ARHGEF25: variants seen among roughly 807,000 people sequenced by gnomAD.
The protein encoded by ARHGEF25 is Rho guanine nucleotide exchange factor 25, also known as RAC/CDC42 exchange factor.
In ARHGEF25, 42 loss-of-function variants were observed where a neutral mutation model predicts 74.0. That is an observed-to-expected ratio of 0.57 (90% CI 0.44 to 0.73). The LOEUF is 0.73. Among genes scored for constraint, ARHGEF25 ranks in the 30% least tolerant of loss-of-function variants. The probability of loss-of-function intolerance (pLI) is 0.00; values close to 1 mark genes in which losing one functional copy is unlikely to be tolerated. For synonymous variants in ARHGEF25, 293 were observed against 278.6 expected (o/e 1.05, Z -0.51); for missense variants, 645 against 725.5 (o/e 0.89, Z 1.27).
chr12:57,613,674 T>G lies in ARHGEF25; in HGVS notation c.486-20T>G, dbSNP rs1299253490. ...GAGCTCCGACGCTGAAGTGGGGGCC[T>G]CCTCCTGCTTTCATCCTAGGTATGT... On this transcript the variant is annotated intron_variant, in intron 4 of 14. Transcript: ENST00000286494. The G allele has an allele frequency of 1.9e-6, 3 of 1,613,626 alleles. No homozygotes were observed. The highest frequency in any genetic ancestry group is 1.7e-5 in the Admixed American group (1 of 59,966).
upstream of ARHGEF25, chr12:57,610,225 C>G (rs746573049): frequency 6.3e-7 from 1 of 1,596,494 alleles, no homozygotes; most frequent in South Asian, 1.1e-5. Context: ...GTATGAAGCC[C>G]CCGGACCGCC....
At chr12:57,615,785 A>T in intron 12 of ARHGEF25, 52 bp from the exon 13 acceptor site, 1 of 1,612,066 alleles carries the variant, frequency 6.2e-7, no homozygotes, top group Non-Finnish European at 8.5e-7. Context: ...GTCTCAGAGG[A>T]GCCAGGGAGG....
At chr12:57,610,502 A>AGAAGGG, upstream of ARHGEF25, 1 of 1,353,066 alleles carries the variant, frequency 7.4e-7, no homozygotes, top group Non-Finnish European at 1.0e-6. Context: ...GACAGGTAGG[A>AGAAGGG]GAAGGGGAAG....
Position 57,615,026 on chromosome 12 carries a change from C to T in ARHGEF25, c.960+9C>T. ...ATACTGCAGACCTAGAGGTGAGGAC[C>T]CCAGATCTTCCAGGACACACCATGT... On this transcript the variant is annotated intron_variant, in intron 10 of 14. Coordinates refer to ENST00000286494, the MANE Select transcript of ARHGEF25 (RefSeq NM_182947.4). The T allele has an allele frequency of 1.2e-6, 2 of 1,613,776 alleles. No individual in the cohort carries two copies. The highest frequency in any genetic ancestry group is 1.7e-6 in the Non-Finnish European group (2 of 1,179,710).
chr12:57,615,440 C>G (rs541242641), intron 11 of ARHGEF25, 72 bp from the exon 12 acceptor site: 1 of 1,599,946 alleles, frequency 6.3e-7, no homozygotes, highest in African/African-American at 1.3e-5. Context: ...GCATGTCAGG[C>G]GAGGAAGGGA....
Position 57,615,508 on chromosome 12 carries a change from T to C in ARHGEF25, c.1039-4T>C. The C allele has an allele frequency of 1.2e-6, 2 of 1,614,184 alleles. No individual in the cohort carries two copies. Among genetic ancestry groups the C allele is most frequent in the Non-Finnish European group, 1.7e-6 (2 of 1,180,026 alleles). On this transcript the variant is annotated splice_region_variant and splice_polypyrimidine_tract_variant and intron_variant, in intron 11 of 14. Transcript: ENST00000286494. ...TTCCAAGGCCACTATCCTTTTGGTT[T>C]CAGGGCAAACTGACTGCTCAGGGGA...
chr12:57,610,633 G>T (rs1884001157), upstream of ARHGEF25: 3 of 1,611,922 alleles, frequency 1.9e-6, no homozygotes, highest in Non-Finnish European at 1.7e-6. Flanking sequence ...TACGGAGGGA[G>T]ATCACAGAAG....
chr12:57,611,974 T>C lies in ARHGEF25; in HGVS notation c.80T>C (p.Phe27Ser). Residue 27 changes from phenylalanine (F) to serine (S), a missense_variant, in exon 1 of 15, where the codon TTC becomes TCC. By Grantham distance (155) the Phe-to-Ser change is radical. Around this residue, in one of 3 missense-constraint regions of ARHGEF25, gnomAD observed 189 missense variants for 199.1 expected, o/e 0.95. Coordinates refer to ENST00000286494, the MANE Select transcript of ARHGEF25 (RefSeq NM_182947.4). This position sits in a 1 kb window ranked among gnomAD's most constrained non-coding sequence, Gnocchi z 4.5. ...RKVLAKCGCC[F>S]ARGGRESYSI... is the part of the protein sequence containing the mutation. ...GTGCTGGCAAAATGCGGCTGCTGCT[T>C]CGCCCGGGGGGGACGTGGTGAGTGC... The C allele has an allele frequency of 7.7e-7, 1 of 1,291,196 alleles. No individual in the cohort carries two copies. The highest frequency in any genetic ancestry group is 9.9e-7 in the Non-Finnish European group (1 of 1,009,870). The allele number at this position is 1,291,196 out of a possible 1,614,324, so 80.0% of individuals were successfully genotyped here.
chr12:57,616,585 C>T (rs1388144792), intron 14 of ARHGEF25, 90 bp downstream of exon 14: 1 of 1,264,654 alleles, frequency 7.9e-7, no homozygotes, highest in South Asian at 1.4e-5. Flanking sequence ...CATATCATTC[C>T]TTCCTTTTAT....
chr12:57,610,729 C>T, upstream of ARHGEF25: 2 of 1,510,762 alleles, frequency 1.3e-6, no homozygotes, highest in Non-Finnish European at 1.8e-6. Context: ...CTATCCTGCG[C>T]CAAGTGGCGA....
intron 2 of ARHGEF25, 21 bp from the exon 3 acceptor site, chr12:57,613,243 C>A (rs779667522): frequency 6.2e-7 from 1 of 1,613,636 alleles, no homozygotes; most frequent in East Asian, 2.2e-5. Flanking sequence ...CGACCTCTGA[C>A]ACTTGATTTC....
chr12:57,612,986 C>T lies in ARHGEF25; in HGVS notation c.154C>T (p.Leu52=). Residue 52 remains leucine (L), a synonymous_variant, in exon 2 of 15, where the codon CTG becomes TTG. Transcript: ENST00000286494. The part of the protein sequence containing the change: ...GSISASAASG[L]AAPSGPSSGL... ...TATATCGGCTTCTGCTGCCTCCGGT[C>T]TGGCTGCCCCCTCTGGCCCCAGCTC... The T allele has an allele frequency of 6.2e-7, 1 of 1,614,150 alleles. No homozygotes were observed. Among genetic ancestry groups the T allele is most frequent in the Non-Finnish European group, 8.5e-7 (1 of 1,180,030 alleles).
In ARHGEF25 at chr12:57,616,468, C is replaced by T. The variant is rs769697773; in HGVS notation, c.1605C>T (p.Ala535=). ...SLLLSPKGEV[A]RALLPLDKQA... is the part of the protein sequence containing the mutation. ...TGCTGTCACCCAAAGGGGAGGTGGC[C>T]AGAGCCCTCTTGCCACTGGATAAAC... Residue 535 remains alanine (A), a synonymous_variant, in exon 14 of 15, where the codon GCC becomes GCT. Transcript: ENST00000286494. 8.7e-6 allele frequency: 14 copies of T among 1,613,974 alleles called. No homozygotes were observed. The highest frequency in any genetic ancestry group is 1.1e-5 in the Non-Finnish European group (13 of 1,180,010).
rs1884053191 is a variant in ARHGEF25 at position 57,611,708 on chromosome 12, C to T, written c.-187C>T. ...CTCTCTCTCTCTAGAGCCCCCAGCC[C>T]TCCTCAAGACTAGACTTCCGCCTAC... On this transcript the variant is annotated 5_prime_UTR_variant, in exon 1 of 15. Coordinates refer to ENST00000286494, the MANE Select transcript of ARHGEF25 (RefSeq NM_182947.4). This position sits in a 1 kb window ranked among gnomAD's most constrained non-coding sequence, Gnocchi z 4.5. 1 of 1,169,884 alleles carries T rather than the reference C, an allele frequency of 8.5e-7. No individual in the cohort carries two copies. The highest frequency in any genetic ancestry group is 4.4e-5 in the South Asian group (1 of 22,938). The allele number at this position is 1,169,884 out of a possible 1,614,324, so 72.5% of individuals were successfully genotyped here. A position where few individuals can be genotyped will look rare whatever the true frequency, so the allele number is the denominator to read the frequency against.
intron 1 of ARHGEF25, 21 bp from the exon 2 acceptor site, chr12:57,612,909 C>T (rs762459033): frequency 1.2e-6 from 2 of 1,608,582 alleles, no homozygotes; most frequent in Admixed American, 3.3e-5. Context: ...CTATCACCTC[C>T]TCTCTTTTTC....
In ARHGEF25 at chr12:57,615,318, C is replaced by T. The variant is rs576331481; in HGVS notation, c.1038+4C>T. 130 of 1,603,762 alleles carry T rather than the reference C, an allele frequency of 8.1e-5. No homozygotes were observed. The highest frequency in any genetic ancestry group is 1.7e-4 in the Middle Eastern group (1 of 6,012). Reference sequence around the variant, plus strand: ...GGGGAGATTGCGGGGATTTGAGGTACGGAGATAGGGCAAGAAACTGGAGGC... The same window carrying T: ...GGGGAGATTGCGGGGATTTGAGGTATGGAGATAGGGCAAGAAACTGGAGGC... On this transcript the variant is annotated splice_donor_region_variant and intron_variant, in intron 11 of 14. Coordinates refer to ENST00000286494, the MANE Select transcript of ARHGEF25 (RefSeq NM_182947.4).
At position 57,615,652 on chromosome 12, in the gene ARHGEF25, C is replaced by T. The variant is rs1884251024; in HGVS notation, c.1179C>T (p.Ala393=). The T allele has an allele frequency of 1.2e-6, 2 of 1,613,904 alleles. No individual in the cohort carries two copies. Among genetic ancestry groups the T allele is most frequent in the Non-Finnish European group, 1.7e-6 (2 of 1,180,014 alleles). ...AGCAAATCATCATCTTCAGTGAAGC[C>T]CTGGGAGGAGGAGTGAGAGGTGGAA... ...LFEQIIIFSE[A]LGGGVRGGTQ... Residue 393 remains alanine, a synonymous_variant, in exon 12 of 15, where the codon GCC becomes GCT. Coordinates refer to ENST00000286494, the MANE Select transcript of ARHGEF25 (RefSeq NM_182947.4).
upstream of ARHGEF25, chr12:57,610,162 C>A: frequency 5.0e-6 from 5 of 1,009,424 alleles, no homozygotes; most frequent in Non-Finnish European, 5.9e-6. Flanking sequence ...CCTCAAAGCC[C>A]CCCAGCTTCA....
At position 57,614,229 on chromosome 12, in the gene ARHGEF25, T is replaced by C; in HGVS notation, c.657-102T>C. ...TTAAGGAATGTTTGGAGAAGTTTTG[T>C]AGGGCACACTACCAGGGCAGACAGC... is the stretch of plus-strand genomic sequence containing the variant. On this transcript the variant is annotated intron_variant, in intron 6 of 14. Transcript: ENST00000286494. This position sits in a 1 kb window ranked among gnomAD's most constrained non-coding sequence, Gnocchi z 4.6. 2.5e-6 allele frequency: 4 copies of C among 1,576,202 alleles called. No individual in the cohort carries two copies. The highest frequency in any genetic ancestry group is 2.2e-5 in the South Asian group (2 of 90,082).
Sources: allele counts gnomAD v4.1 joint callset, GRCh38; gene constraint gnomAD v4.1.1; regional missense constraint gnomAD v4.1.1; non-coding constraint Gnocchi (gnomAD v3.1); transcripts MANE v1.5; gene names NCBI Gene and HGNC (gene_info 2026-07-23, HGNC 2026-07-21).